PIK3C2A: variants seen among roughly 807,000 people sequenced by gnomAD.
PIK3C2A encodes phosphatidylinositol-4-phosphate 3-kinase catalytic subunit type 2 alpha.
A neutral mutation model predicts 204.5 loss-of-function variants in PIK3C2A; 97 were observed. The ratio of observed to expected loss-of-function variants is 0.47; its 90% CI spans 0.40 to 0.56. The LOEUF is 0.56. PIK3C2A is among the 20% of genes least tolerant of loss of function. The pLI is 0.00. For missense variants in PIK3C2A, 1,735 were observed against 1,969.2 expected, an observed-to-expected ratio of 0.88 and a Z score of 2.25; for synonymous variants, 653 against 664.4, an observed-to-expected ratio of 0.98 and a Z score of 0.26.
At chr11:17,174,046 G>T (rs1473793681) in intron 1 of PIK3C2A, among the ~76,000 whole-genome samples, 1 of 151,840 alleles carries the variant, frequency 6.6e-6, no homozygotes, top group Admixed American at 6.6e-5. Context: ...GGCTGGTCTT[G>T]AACTCCTGAC....
chr11:17,111,887 A>C (rs1291382705), intron 21 of PIK3C2A, among the ~76,000 whole-genome samples: 164 of 150,964 alleles, frequency 1.1e-3, no homozygotes, highest in African/African-American at 3.7e-3. Flanking sequence ...CAAAACAAAA[A>C]AAAAAAAAAA....
intron 19 of PIK3C2A, among the ~76,000 whole-genome samples, chr11:17,114,883 G>C (rs1169889054): frequency 6.6e-6 from 1 of 152,050 alleles, no homozygotes; most frequent in African/African-American, 2.4e-5. Context: ...AATACATGTC[G>C]CTCTTGACTC....
chr11:17,101,503 T>A, intron 24 of PIK3C2A, 69 bp from the exon 25 acceptor site: 1 of 813,210 alleles, frequency 1.2e-6, no homozygotes, highest in Non-Finnish European at 1.8e-6. Flanking sequence ...ATTACATGAT[T>A]ATTAAACTAA....
chr11:17,182,563 G>A (rs1851601156), intron 1 of PIK3C2A, among the ~76,000 whole-genome samples: 1 of 113,552 alleles, frequency 8.8e-6, no homozygotes, highest in South Asian at 2.6e-4. Context: ...ACAAGACCCT[G>A]TCTCAAAAAA....
chr11:17,129,139 C>T (rs1849614865), intron 13 of PIK3C2A, among the ~76,000 whole-genome samples, 161 bp downstream of exon 13: 1 of 152,162 alleles, frequency 6.6e-6, no homozygotes, highest in African/African-American at 2.4e-5. Context: ...TTGATTTCCT[C>T]TAATCTGTGT....
At chr11:17,204,113 C>T (rs1366828662) in intron 1 of PIK3C2A, among the ~76,000 whole-genome samples, 1 of 151,720 alleles carries the variant, frequency 6.6e-6, no homozygotes, top group African/African-American at 2.4e-5. Context: ...CTGCCTCGAT[C>T]CTCCAAAGCA....
At position 17,169,754 on chromosome 11, in the gene PIK3C2A, G is replaced by C; in HGVS notation, c.-13C>G. On this transcript the variant is annotated 5_prime_UTR_variant, in exon 2 of 33. Transcript: ENST00000691414. Reference sequence around the variant, plus strand: ...ATATCTGAGCCATGTCCACTAAAAAGACCAAACCTTCCTTCCTCTATTTTT... The same window carrying C: ...ATATCTGAGCCATGTCCACTAAAAACACCAAACCTTCCTTCCTCTATTTTT... 1 of 1,550,082 alleles carries C rather than the reference G, an allele frequency of 6.5e-7. No individual in the cohort carries two copies. The highest frequency in any genetic ancestry group is 8.7e-7 in the Non-Finnish European group (1 of 1,154,140).
intron 12 of PIK3C2A, among the ~76,000 whole-genome samples, 199 bp from the exon 13 acceptor site, chr11:17,129,666 AC>A (rs1387138815): frequency 6.6e-6 from 1 of 152,196 alleles, no homozygotes; most frequent in African/African-American, 2.4e-5. Flanking sequence ...ATCTTGGCTC[AC>A]TGCAACCTCC....
intron 1 of PIK3C2A, among the ~76,000 whole-genome samples, chr11:17,188,581 G>A (rs1851836632): frequency 6.8e-6 from 1 of 146,764 alleles, no homozygotes; most frequent in Non-Finnish European, 1.5e-5. Context: ...AAGGCGTGGT[G>A]GAGGTAAAGC....
chr11:17,089,485 A>C lies in PIK3C2A; in HGVS notation c.*253T>G, dbSNP rs147624382. On this transcript the variant is annotated 3_prime_UTR_variant, in exon 33 of 33. Transcript: ENST00000691414. Reference sequence around the variant, plus strand: ...TCAGGAATTAGTATATATTAAGTTTAGGGTTTGTAGCATTCTACATAATGA... The same window carrying C: ...TCAGGAATTAGTATATATTAAGTTTCGGGTTTGTAGCATTCTACATAATGA... 9.6e-3 allele frequency: 3,621 copies of C among 377,680 alleles called. 26 individuals carry two copies. The highest frequency in any genetic ancestry group is 0.012 in the Non-Finnish European group (2,500 of 208,274). The allele number at this position is 377,680 out of a possible 1,614,324, so 23.4% of individuals were successfully genotyped here. A position where few individuals can be genotyped will look rare whatever the true frequency, so the allele number is the denominator to read the frequency against.
rs1223099989 is a variant in PIK3C2A, at chr11:17,088,785, T to C, written c.*953A>G. 6.6e-6 allele frequency: 1 copy of C among 152,194 alleles called. No individual in the cohort carries two copies. The highest frequency in any genetic ancestry group is 2.4e-5 in the African/African-American group (1 of 41,454). 9.4% of individuals were successfully genotyped at this position (152,194 alleles called of 1,614,324 possible). ...TCTGCCCTACTCAGGAATGGGCACA[T>C]GGGTTAACAATTTTCACTTATTTAC... On this transcript the variant is annotated 3_prime_UTR_variant, in exon 33 of 33. Transcript: ENST00000691414.
chr11:17,172,168 G>A (rs1473103394), intron 1 of PIK3C2A, among the ~76,000 whole-genome samples: 1 of 152,126 alleles, frequency 6.6e-6, no homozygotes, highest in Non-Finnish European at 1.5e-5. Flanking sequence ...TGATTTTCTT[G>A]TTCCTCTCAT....
At chr11:17,120,458 T>C (rs1307054004) in intron 15 of PIK3C2A, among the ~76,000 whole-genome samples, 1 of 152,032 alleles carries the variant, frequency 6.6e-6, no homozygotes, top group Non-Finnish European at 1.5e-5. Flanking sequence ...AATGTTTACG[T>C]GAATGAAATA....
intron 1 of PIK3C2A, among the ~76,000 whole-genome samples, chr11:17,203,946 C>T (rs529903712): frequency 3.9e-5 from 6 of 152,218 alleles, no homozygotes; most frequent in South Asian, 4.1e-4. Context: ...TGGTGGCGGG[C>T]GCCTGTAGTC....
At chr11:17,128,063 T>G (rs1849577638) in intron 13 of PIK3C2A, among the ~76,000 whole-genome samples, 1 of 152,196 alleles carries the variant, frequency 6.6e-6, no homozygotes, top group Non-Finnish European at 1.5e-5. Flanking sequence ...AAATCACCAC[T>G]TATTTCATAG....
intron 26 of PIK3C2A, among the ~76,000 whole-genome samples, chr11:17,099,313 A>G (rs1158072483): frequency 6.6e-6 from 1 of 152,254 alleles, no homozygotes; most frequent in African/African-American, 2.4e-5. Context: ...CTGGATTAAA[A>G]ACACCAAAGG....
At chr11:17,163,960 T>G (rs1269317957) in intron 2 of PIK3C2A, among the ~76,000 whole-genome samples, 1 of 151,992 alleles carries the variant, frequency 6.6e-6, no homozygotes, top group East Asian at 1.9e-4. Flanking sequence ...TTCCCAAATT[T>G]TAACTATTAT....
At chr11:17,117,342 T>C (rs1849226289) in intron 19 of PIK3C2A, 149 bp downstream of exon 19, 1 of 479,378 alleles carries the variant, frequency 2.1e-6, no homozygotes, top group Non-Finnish European at 3.7e-6. Flanking sequence ...TTTTAAACAA[T>C]CTTTGAATTT....
In PIK3C2A at chr11:17,134,812, T is replaced by A. The variant is rs190343362; in HGVS notation, c.2108+7A>T. 6.2e-7 allele frequency: 1 copy of A among 1,604,482 alleles called. No homozygotes were observed. The highest frequency in any genetic ancestry group is 2.2e-5 in the East Asian group (1 of 44,820). ...CACCATGCCTGGCTGCTTAAACAGT[T>A]ACTTACTTTGATACCCAATTACTTG... is the stretch of plus-strand genomic sequence containing the variant. On this transcript the variant is annotated splice_region_variant and intron_variant, in intron 11 of 32. Coordinates refer to ENST00000691414, the MANE Select transcript of PIK3C2A (RefSeq NM_002645.4).
Sources: gnomAD v4.1 joint callset for allele counts (sites outside exome capture counted in the v4.1 genomes callset) on GRCh38, gnomAD v4.1.1 for gene constraint, MANE v1.5 for transcripts, NCBI Gene and HGNC (gene_info 2026-07-23, HGNC 2026-07-21) for gene names.